KLHL29: variants seen among roughly 807,000 people sequenced by gnomAD.
KLHL29 encodes kelch-like protein 29.
Under a neutral mutation model 80.4 loss-of-function variants are expected in KLHL29, and 21 were observed. The ratio of observed to expected loss-of-function variants is 0.26; its 90% confidence interval spans 0.19 to 0.38. The LOEUF is 0.38. Among genes scored for constraint, KLHL29 ranks in the 10% least tolerant of loss-of-function variants. The pLI is 1.00. For synonymous variants in KLHL29, 511 were observed against 526.8 expected (o/e 0.97, Z 0.41); for missense variants, 867 against 1,223.9 (o/e 0.71, Z 4.35).
intron 2 of KLHL29, chr2:23,524,049 C>T (rs529435260): frequency 8.5e-6 from 4 of 471,528 alleles, no homozygotes; most frequent in Admixed American, 7.0e-5. Flanking sequence ...AGCATGCCTT[C>T]CTCTTCCGAA....
At chr2:23,445,624 G>A (rs1382946332) in intron 1 of KLHL29, among the ~76,000 whole-genome samples, 4 of 152,194 alleles carry the variant, frequency 2.6e-5, no homozygotes, top group African/African-American at 9.7e-5. Flanking sequence ...TATCAGCAAG[G>A]GGGATTGATG....
intron 11 of KLHL29, chr2:23,697,615 G>T (rs1032302250): frequency 6.6e-6 from 1 of 152,204 alleles, no homozygotes; most frequent in Admixed American, 6.5e-5. Context: ...CAGCAAAGAC[G>T]GTTGCAGAGT....
intron 3 of KLHL29, among the ~76,000 whole-genome samples, chr2:23,583,898 CTTG>C (rs1261894518): frequency 2.6e-5 from 4 of 152,204 alleles, no homozygotes; most frequent in African/African-American, 7.2e-5. Context: ...TCCTCTTTAT[CTTG>C]TTGTAATTGA....
chr2:23,649,807 C>G (rs1017667081), intron 5 of KLHL29, among the ~76,000 whole-genome samples: 7 of 152,222 alleles, frequency 4.6e-5, no homozygotes, highest in African/African-American at 1.7e-4. Flanking sequence ...TGACCCGTGG[C>G]AGGAAGCCAG....
chr2:23,634,630 T>C (rs989229497), intron 3 of KLHL29, among the ~76,000 whole-genome samples: 7 of 152,148 alleles, frequency 4.6e-5, no homozygotes, highest in Non-Finnish European at 8.8e-5. Context: ...CATGCCTTCA[T>C]CACACCCAAG....
Position 23,503,804 on chromosome 2 carries a change from A to G in KLHL29, c.-46+28137A>G, listed in dbSNP as rs1653764. Among the ~76,000 whole-genome samples the G allele has an allele frequency of 0.4, 60,863 of 152,098 alleles. 12,723 individuals carry two copies. The highest frequency in any genetic ancestry group is 0.43 in the Non-Finnish European group (29,507 of 67,950). ...GAGGTCTCAGAGCACAGCACGCCAG[A>G]CCTCTAGTCCACACAGTCCTGCACA... On this transcript the variant is annotated intron_variant, in intron 2 of 13. Transcript: ENST00000486442. The surrounding 1 kb of genome is among the most constrained non-coding windows in gnomAD (Gnocchi z 4.0).
intron 1 of KLHL29, among the ~76,000 whole-genome samples, chr2:23,438,665 T>C (rs1429672467): frequency 6.7e-6 from 1 of 149,570 alleles, no homozygotes; most frequent in Non-Finnish European, 1.5e-5. Flanking sequence ...TGAAGCCCAC[T>C]TGATCGTGGT....
chr2:23,436,322 GTGTGTGTGTC>G (rs1239270868), intron 1 of KLHL29, among the ~76,000 whole-genome samples: 11 of 129,906 alleles, frequency 8.5e-5, no homozygotes, highest in Admixed American at 8.1e-5. Context: ...GTGTGTGTGT[GTGTGTGTGTC>G]TCAGCACCAG....
intron 3 of KLHL29, among the ~76,000 whole-genome samples, chr2:23,583,246 AC>A (rs1668030278): frequency 6.6e-6 from 1 of 151,526 alleles, no homozygotes; most frequent in South Asian, 2.1e-4. Flanking sequence ...GAAAAATGAT[AC>A]CCCATGGACA....
At chr2:23,509,117 G>A (rs896765802) in intron 2 of KLHL29, among the ~76,000 whole-genome samples, 2 of 152,238 alleles carry the variant, frequency 1.3e-5, no homozygotes, top group Non-Finnish European at 2.9e-5. Context: ...CCCGGAATGT[G>A]TGATGGTGGG....
chr2:23,467,233 G>A (rs954918555), intron 1 of KLHL29, among the ~76,000 whole-genome samples: 9 of 152,300 alleles, frequency 5.9e-5, no homozygotes, highest in African/African-American at 1.9e-4. Context: ...AAGCCATCCC[G>A]CGTGTTTCTT....
intron 3 of KLHL29, among the ~76,000 whole-genome samples, chr2:23,606,816 G>A (rs1465546948): frequency 1.3e-5 from 2 of 152,118 alleles, no homozygotes; most frequent in African/African-American, 4.8e-5. Context: ...CCTTAGCTAG[G>A]GCTTATCTTA....
intron 3 of KLHL29, among the ~76,000 whole-genome samples, chr2:23,567,915 A>G (rs1035681657): frequency 2.6e-5 from 4 of 152,242 alleles, no homozygotes; most frequent in Non-Finnish European, 5.9e-5. Context: ...ACAATAACAC[A>G]TTGTGAGATA....
chr2:23,596,626 C>G lies in KLHL29; in HGVS notation c.285+34145C>G, dbSNP rs1052047742. ...GGCGGGAACACATCATGTCTGGGGA[C>G]GTATGCTGCCATCGTGGGAATGTGC... On this transcript the variant is annotated intron_variant, in intron 3 of 13. Coordinates refer to ENST00000486442, the MANE Select transcript of KLHL29 (RefSeq NM_052920.2). This position sits in a 1 kb window ranked among gnomAD's most constrained non-coding sequence, Gnocchi z 4.4. 6.6e-6 allele frequency among the ~76,000 whole-genome samples: 1 copy of G among 152,156 alleles called. No individual in the cohort carries two copies. Among genetic ancestry groups the G allele is most frequent in the Non-Finnish European group, 1.5e-5 (1 of 68,032 alleles).
intron 5 of KLHL29, among the ~76,000 whole-genome samples, chr2:23,663,818 T>C (rs1398664686): frequency 6.6e-6 from 1 of 152,226 alleles, no homozygotes; most frequent in Non-Finnish European, 1.5e-5. Flanking sequence ...TGCCCTAAAC[T>C]GCTGTGTCTG....
At chr2:23,673,706 C>T (rs1342835239) in intron 5 of KLHL29, among the ~76,000 whole-genome samples, 5 of 150,926 alleles carry the variant, frequency 3.3e-5, no homozygotes, top group Non-Finnish European at 7.4e-5. Flanking sequence ...CTCTCTCTCA[C>T]ACACACACAC....
chr2:23,558,086 C>T (rs1221842695), intron 2 of KLHL29, among the ~76,000 whole-genome samples: 1 of 152,188 alleles, frequency 6.6e-6, no homozygotes, highest in Non-Finnish European at 1.5e-5. Flanking sequence ...GTCTCCATCA[C>T]CTCCCCACCC....
Position 23,628,394 on chromosome 2 carries a change from G to A in KLHL29, c.286-10745G>A, listed in dbSNP as rs544605438. 3.3e-5 allele frequency among the ~76,000 whole-genome samples: 5 copies of A among 152,206 alleles called. No individual in the cohort carries two copies. The South Asian group carries it at 1.0e-3, about 32-fold the overall frequency. The stretch of plus-strand genomic sequence containing the variant: ...CTGGGAAGGCCATAGGGGGCAGAGG[G>A]GCCAGGGCAGCCCCTGGCCAAGCCG... On this transcript the variant is annotated intron_variant, in intron 3 of 13. Coordinates refer to ENST00000486442, the MANE Select transcript of KLHL29 (RefSeq NM_052920.2).
At chr2:23,529,782 G>A (rs921494335) in intron 2 of KLHL29, among the ~76,000 whole-genome samples, 9 of 152,254 alleles carry the variant, frequency 5.9e-5, no homozygotes, top group African/African-American at 2.2e-4. Context: ...CATGGAGGCA[G>A]GGCTGAGCCC....
Sources: allele counts gnomAD v4.1 joint callset (sites outside exome capture counted in the v4.1 genomes callset), GRCh38; gene constraint gnomAD v4.1.1; non-coding constraint Gnocchi (gnomAD v3.1); transcripts MANE v1.5; gene names NCBI Gene and HGNC (gene_info 2026-07-23, HGNC 2026-07-21).